NFIC: variants seen among roughly 807,000 people sequenced by gnomAD.
NFIC encodes nuclear factor I C, also known as nuclear factor 1 C-type.
In NFIC, 12 loss-of-function variants were observed where a neutral mutation model predicts 54.4. The ratio of observed to expected loss-of-function variants is 0.22; its 90% CI spans 0.14 to 0.36. The LOEUF is 0.36. NFIC is among the 10% of genes least tolerant of loss of function. The pLI, the probability that NFIC is intolerant of heterozygous loss-of-function variation, is 1.00. For missense variants in NFIC, 575 were observed against 718.2 expected (o/e 0.80, Z 2.28); for synonymous variants, 322 against 319.2 (o/e 1.01, Z -0.09).
intron 1 of NFIC, among the ~76,000 whole-genome samples, chr19:3,381,285 C>G (rs998161234): frequency 6.6e-6 from 1 of 151,356 alleles, no homozygotes; most frequent in East Asian, 1.9e-4. Context: ...ATCCTAGCTA[C>G]TCGGGAGGCT....
rs1469610784 is a variant in NFIC at position 3,465,722 on chromosome 19, C to G, written c.*2953C>G. 6.6e-6 allele frequency: 1 copy of G among 152,266 alleles called. No individual in the cohort carries two copies. The highest frequency in any genetic ancestry group is 6.5e-5 in the Admixed American group (1 of 15,286). 9.4% of individuals were successfully genotyped at this position (152,266 alleles called of 1,614,324 possible). On this transcript the variant is annotated 3_prime_UTR_variant, in exon 11 of 11. Coordinates refer to ENST00000443272, the MANE Select transcript of NFIC (RefSeq NM_001245002.2). ...TGGTCCCTAGGCCACGGGCCGGCCC[C>G]CAGACACCATTCACCGACCCACTGC...
intron 7 of NFIC, among the ~76,000 whole-genome samples, chr19:3,449,489 G>A (rs989085402): frequency 6.6e-6 from 1 of 152,174 alleles, no homozygotes; most frequent in Non-Finnish European, 1.5e-5. Flanking sequence ...GCCAGGCACA[G>A]TGGCTCACAC....
chr19:3,462,933 CAGG>C lies in NFIC; in HGVS notation c.*169_*171del. On this transcript the variant is annotated 3_prime_UTR_variant, in exon 11 of 11. Coordinates refer to ENST00000443272, the MANE Select transcript of NFIC (RefSeq NM_001245002.2). ...GACAAAACACATAGACGCACACACT[CAGG>C]AGGAAAAGAAAAAACAAAGGCAGAA... 1 of 1,461,528 alleles carries C rather than the reference CAGG, an allele frequency of 6.8e-7. No individual in the cohort carries two copies. Among genetic ancestry groups the C allele is most frequent in the Non-Finnish European group, 9.0e-7 (1 of 1,112,798 alleles). 90.5% of individuals were successfully genotyped at this position (1,461,528 alleles called of 1,614,324 possible).
In NFIC at chr19:3,384,924, G is replaced by A. The variant is rs560491325; in HGVS notation, c.562+2681G>A. On this transcript the variant is annotated intron_variant, in intron 2 of 10. Transcript: ENST00000443272. ...CTGCCACCACACATCTTCCTCGCCCGGGGCCCCGCCCCCACCTCCTCCGTG... is the reference window on the plus strand; with the variant it reads ...CTGCCACCACACATCTTCCTCGCCCAGGGCCCCGCCCCCACCTCCTCCGTG... Among the ~76,000 whole-genome samples the A allele has an allele frequency of 1.2e-3, 185 of 152,108 alleles. 2 individuals carry two copies. Among genetic ancestry groups the A allele is most frequent in the African/African-American group, 4.3e-3 (177 of 41,496 alleles).
chr19:3,367,016 G>C (rs1215111837), intron 1 of NFIC, among the ~76,000 whole-genome samples: 1 of 151,398 alleles, frequency 6.6e-6, no homozygotes, highest in African/African-American at 2.4e-5. Context: ...GGAAAGGTCG[G>C]GGTGGGGGCT....
At chr19:3,426,021 A>T (rs1247060770) in intron 3 of NFIC, among the ~76,000 whole-genome samples, 1 of 127,234 alleles carries the variant, frequency 7.9e-6, no homozygotes, top group African/African-American at 3.0e-5. Context: ...TGCATCCTCC[A>T]TCTCCTGGGT....
intron 2 of NFIC, chr19:3,410,847 G>A (rs1040626272): frequency 1.3e-5 from 2 of 152,296 alleles, no homozygotes; most frequent in Non-Finnish European, 2.9e-5. Context: ...GGAGGTTGGA[G>A]GCTCCGACAG....
intron 1 of NFIC, among the ~76,000 whole-genome samples, chr19:3,377,194 C>T (rs1012088138): frequency 5.9e-5 from 9 of 151,336 alleles, no homozygotes; most frequent in African/African-American, 2.2e-4. Flanking sequence ...ATTAGTTGGG[C>T]ATGGTGGCGG....
At chr19:3,379,791 T>C (rs1168605449) in intron 1 of NFIC, among the ~76,000 whole-genome samples, 2 of 144,152 alleles carry the variant, frequency 1.4e-5, no homozygotes, top group East Asian at 2.2e-4. Context: ...CTGGGCTCAA[T>C]TGATCTTCCC....
At chr19:3,440,682 C>T (rs1043820312) in intron 6 of NFIC, among the ~76,000 whole-genome samples, 6 of 152,106 alleles carry the variant, frequency 3.9e-5, no homozygotes, top group East Asian at 1.9e-4. Flanking sequence ...CCACCACACC[C>T]GGCTAATTTT....
intron 2 of NFIC, among the ~76,000 whole-genome samples, chr19:3,416,807 G>A (rs2081862875): frequency 6.6e-6 from 1 of 151,484 alleles, no homozygotes; most frequent in African/African-American, 2.4e-5. Flanking sequence ...ACAGGCGTGA[G>A]CCACCGTGCC....
At position 3,453,651 on chromosome 19, in the gene NFIC, C is replaced by G; in HGVS notation, c.1270-112C>G. On this transcript the variant is annotated intron_variant, in intron 8 of 10. Transcript: ENST00000443272. This position sits in a 1 kb window ranked among gnomAD's most constrained non-coding sequence, Gnocchi z 6.7. ...CATGGTCACACCCGCGCCCTGGCCC[C>G]CCAGCCTGCCACCCCGTCCGGGCCG... 1.4e-6 allele frequency: 2 copies of G among 1,421,178 alleles called. No homozygotes were observed. Among genetic ancestry groups the G allele is most frequent in the Non-Finnish European group, 1.9e-6 (2 of 1,079,616 alleles). 88.0% of individuals were successfully genotyped at this position (1,421,178 alleles called of 1,614,324 possible). A position where few individuals can be genotyped will look rare whatever the true frequency, so the allele number is the denominator to read the frequency against.
At chr19:3,377,723 C>T (rs942642413) in intron 1 of NFIC, among the ~76,000 whole-genome samples, 2 of 152,036 alleles carry the variant, frequency 1.3e-5, no homozygotes, top group Non-Finnish European at 2.9e-5. Flanking sequence ...GTGATCCTCC[C>T]ACCTCAGCCT....
rs563844506 is a variant in NFIC at position 3,459,294 on chromosome 19, C to A, written c.1509+2659C>A. On this transcript the variant is annotated intron_variant, in intron 10 of 10. Coordinates refer to ENST00000443272, the MANE Select transcript of NFIC (RefSeq NM_001245002.2). This position sits in a 1 kb window ranked among gnomAD's most constrained non-coding sequence, Gnocchi z 4.2. ...CCCCGTGATCTATGCTAATTGATCT[C>A]GCCCTGGTCAGTTACCCACCCATCG... is the stretch of plus-strand genomic sequence containing the variant. Among the ~76,000 whole-genome samples, 3 of 151,096 alleles carry A rather than the reference C, an allele frequency of 2.0e-5. No homozygotes were observed. The East Asian group carries it at 5.9e-4, about 30-fold the overall frequency.
At chr19:3,394,347 G>GCGT (rs1319765646) in intron 2 of NFIC, among the ~76,000 whole-genome samples, 1 of 152,068 alleles carries the variant, frequency 6.6e-6, no homozygotes, top group South Asian at 2.1e-4. Context: ...AGGCGTGGTG[G>GCGT]CGTGAACCTG....
upstream of NFIC, among the ~76,000 whole-genome samples, chr19:3,365,923 G>C (rs892711929): frequency 2.6e-5 from 4 of 152,228 alleles, no homozygotes; most frequent in African/African-American, 9.6e-5. Context: ...GCTCTGGGGG[G>C]AGAAGGGAGC....
In NFIC at chr19:3,370,492, TC is replaced by T. The variant is rs1482405446; in HGVS notation, c.30+3827del. On this transcript the variant is annotated intron_variant, in intron 1 of 10. Transcript: ENST00000443272. This position sits in a 1 kb window ranked among gnomAD's most constrained non-coding sequence, Gnocchi z 5.2. ...GAGTCAGCGTTCTCCTCTCTCTCTC[TC>T]TCTCTCTCTGTCTCCCTCCCTTTCT... is the stretch of plus-strand genomic sequence containing the variant. 2.6e-5 allele frequency among the ~76,000 whole-genome samples: 4 copies of T among 151,648 alleles called. No individual in the cohort carries two copies. The highest frequency in any genetic ancestry group is 9.7e-5 in the African/African-American group (4 of 41,214).
At chr19:3,409,945 C>T (rs1271721401) in intron 2 of NFIC, among the ~76,000 whole-genome samples, 1 of 152,194 alleles carries the variant, frequency 6.6e-6, no homozygotes, top group Non-Finnish European at 1.5e-5. Flanking sequence ...CGGTGGCTCG[C>T]ACCTGTGTTT....
At chr19:3,360,599 C>T (rs1430736054) in intron 1 of NFIC, among the ~76,000 whole-genome samples, 1 of 152,202 alleles carries the variant, frequency 6.6e-6, no homozygotes, top group African/African-American at 2.4e-5. Context: ...CCGCGGGTCC[C>T]GGCGCGTCGG....
Sources: gnomAD v4.1 joint callset for allele counts (sites outside exome capture counted in the v4.1 genomes callset) on GRCh38, gnomAD v4.1.1 for gene constraint, Gnocchi (gnomAD v3.1) non-coding constraint, MANE v1.5 for transcripts, NCBI Gene and HGNC (gene_info 2026-07-23, HGNC 2026-07-21) for gene names.